CDHR3: variants seen among roughly 807,000 people sequenced by gnomAD.
The protein encoded by CDHR3 is cadherin-related family member 3.
In CDHR3, 79 loss-of-function variants were observed where a neutral mutation model predicts 86.6. The observed-to-expected ratio is 0.91, with a 90% CI of 0.76 to 1.10. CDHR3 has a LOEUF of 1.10. CDHR3 is among the 50% of genes least tolerant of loss of function. The pLI, the probability that CDHR3 is intolerant of heterozygous loss-of-function variation, is 0.00. For missense variants in CDHR3, 1,081 were observed against 1,077.6 expected, an observed-to-expected ratio of 1.00 and a Z score of -0.04; for synonymous variants, 421 against 402.4, an observed-to-expected ratio of 1.05 and a Z score of -0.55.
intron 6 of CDHR3, among the ~76,000 whole-genome samples, chr7:105,999,048 C>G (rs1178517559): frequency 6.6e-6 from 1 of 152,198 alleles, no homozygotes; most frequent in Admixed American, 6.5e-5. Flanking sequence ...CACACCCTTC[C>G]CTGTGAGTGT....
At chr7:105,974,596 GC>G (rs1828509451) in intron 1 of CDHR3, among the ~76,000 whole-genome samples, 1 of 152,212 alleles carries the variant, frequency 6.6e-6, no homozygotes, top group Non-Finnish European at 1.5e-5. Context: ...CAAGAGAAAA[GC>G]AGCAGCTTTA....
At chr7:105,977,920 T>A (rs1829077474) in intron 2 of CDHR3, among the ~76,000 whole-genome samples, 1 of 152,192 alleles carries the variant, frequency 6.6e-6, no homozygotes, top group Non-Finnish European at 1.5e-5. Context: ...AGGAGGAGGA[T>A]GCTAACATTT....
Position 105,974,896 on chromosome 7 carries a change from G to T in CDHR3, c.99G>T (p.Glu33Asp), listed in dbSNP as rs761007571. Residue 33 changes from glutamate (E) to aspartate (D), a missense_variant, in exon 2 of 19, where the codon GAG (glutamate) becomes GAT (aspartate). Coordinates refer to ENST00000317716, the MANE Select transcript of CDHR3 (RefSeq NM_152750.5). ...TACCTGCTACAGGCAATGTGGCAGA[G>T]AATTCTCCACCTGGGACTTCAGTGC... ...ILLPATGNVAENSPPGTSVHK... is the reference protein window; with the variant it reads ...ILLPATGNVADNSPPGTSVHK... The T allele has an allele frequency of 6.2e-7, 1 of 1,613,886 alleles. No individual in the cohort carries two copies. The highest frequency in any genetic ancestry group is 1.7e-5 in the Admixed American group (1 of 60,014).
chr7:105,980,281 T>C (rs1053826209), intron 2 of CDHR3, among the ~76,000 whole-genome samples: 5 of 152,228 alleles, frequency 3.3e-5, no homozygotes, highest in Admixed American at 2.6e-4. Flanking sequence ...ATTTTTTATT[T>C]ATCATGTTTA....
At chr7:106,011,438 G>C (rs1004861046) in intron 8 of CDHR3, among the ~76,000 whole-genome samples, 3 of 151,968 alleles carry the variant, frequency 2.0e-5, no homozygotes, top group Admixed American at 6.6e-5. Flanking sequence ...TAGAAGATGA[G>C]GACAAGAAGA....
chr7:105,967,729 G>C (rs1218953452), intron 1 of CDHR3, among the ~76,000 whole-genome samples: 6 of 152,156 alleles, frequency 3.9e-5, no homozygotes, highest in Admixed American at 3.3e-4. Flanking sequence ...TTTTTCATGT[G>C]TCTGTTGGCT....
chr7:105,968,558 AC>A (rs2115600285), intron 1 of CDHR3, among the ~76,000 whole-genome samples: 1 of 152,062 alleles, frequency 6.6e-6, no homozygotes, highest in East Asian at 1.9e-4. Flanking sequence ...GTGGGGTTTC[AC>A]CATGTCGGCC....
intron 1 of CDHR3, among the ~76,000 whole-genome samples, chr7:105,972,223 G>A (rs980661937): frequency 4.6e-5 from 7 of 152,122 alleles, no homozygotes; most frequent in African/African-American, 1.7e-4. Context: ...GATTGTGCTG[G>A]GATTAAGGGG....
At chr7:105,996,016 G>C (rs1367082894) in intron 5 of CDHR3, among the ~76,000 whole-genome samples, 1 of 152,248 alleles carries the variant, frequency 6.6e-6, no homozygotes, top group East Asian at 1.9e-4. Context: ...ATGCTGGCCT[G>C]GTGGGACAAT....
intron 6 of CDHR3, among the ~76,000 whole-genome samples, chr7:105,997,318 G>A (rs1832402576): frequency 6.6e-6 from 1 of 152,220 alleles, no homozygotes; most frequent in Admixed American, 6.5e-5. Flanking sequence ...ATAGTCTACA[G>A]TCCAGTTGCA....
At chr7:106,011,929 G>T (rs144121401) in intron 8 of CDHR3, among the ~76,000 whole-genome samples, 1 of 152,326 alleles carries the variant, frequency 6.6e-6, no homozygotes, top group East Asian at 1.9e-4. Flanking sequence ...AAAGGTGTTA[G>T]GAGGCCCTTC....
intron 9 of CDHR3, among the ~76,000 whole-genome samples, chr7:106,014,362 C>T (rs889716462): frequency 1.3e-5 from 2 of 152,254 alleles, no homozygotes; most frequent in East Asian, 3.9e-4. Flanking sequence ...TCCTTCTATA[C>T]ATAGATACCT....
intron 2 of CDHR3, among the ~76,000 whole-genome samples, chr7:105,976,179 T>C (rs1314996849): frequency 6.6e-6 from 1 of 152,190 alleles, no homozygotes; most frequent in Non-Finnish European, 1.5e-5. Context: ...CTGCTGCTGC[T>C]CCTTGGTTCC....
Position 106,022,287 on chromosome 7 carries a change from G to A in CDHR3, c.1915G>A (p.Gly639Arg), listed in dbSNP as rs756620854. Residue 639 changes from glycine (G) to arginine (R), a missense_variant, in exon 14 of 19, where the codon GGG (glycine) becomes AGG (arginine). Gly to Arg is a moderately radical substitution (Grantham distance 125, BLOSUM62 -2). Transcript: ENST00000317716. ...TACATCTCGCTTTGACTATGCTGGT[G>A]GGTTTGATAAGATCTGGGACTACAA... is the stretch of plus-strand genomic sequence containing the variant. The part of the protein sequence containing the change: ...LLTSRFDYAG[G>R]FDKIWDYKLL... 8.7e-6 allele frequency: 14 copies of A among 1,614,022 alleles called. No homozygotes were observed. In the Admixed American group the frequency reaches 2.3e-4, roughly 27 times the overall value.
chr7:106,032,715 G>T lies in CDHR3; in HGVS notation c.*18G>T. On this transcript the variant is annotated 3_prime_UTR_variant, in exon 19 of 19. Transcript: ENST00000317716. The stretch of plus-strand genomic sequence containing the variant: ...GAAAGTAAACGGGGTCTAAGGAGGG[G>T]CCTGTCAATCACTGAGATGCTGCCT... 1 of 1,595,596 alleles carries T rather than the reference G, an allele frequency of 6.3e-7. No individual in the cohort carries two copies. The highest frequency in any genetic ancestry group is 8.6e-7 in the Non-Finnish European group (1 of 1,169,504).
Position 106,035,767 on chromosome 7 carries a change from CA to C in CDHR3, c.*3073del, listed in dbSNP as rs1160030329. 4 of 152,226 alleles carry C rather than the reference CA, an allele frequency of 2.6e-5. 1 individual carries two copies. Among genetic ancestry groups the C allele is most frequent in the Middle Eastern group, 6.8e-3 (2 of 294 alleles). The allele number at this position is 152,226 out of a possible 1,614,324, so 9.4% of individuals were successfully genotyped here. ...GAGTTACAAAGGTCACGCTCCTGTG[CA>C]AACATCTGATTGGTTGCAAAAAGCA... On this transcript the variant is annotated 3_prime_UTR_variant, in exon 19 of 19. Coordinates refer to ENST00000317716, the MANE Select transcript of CDHR3 (RefSeq NM_152750.5).
At chr7:106,013,074 T>A (rs745328650) in intron 9 of CDHR3, 43 bp downstream of exon 9, 2 of 1,509,550 alleles carry the variant, frequency 1.3e-6, no homozygotes, top group Non-Finnish European at 1.8e-6. Context: ...CATCGGGAAT[T>A]GGTCCAACAT....
At chr7:105,980,105 A>G (rs1178150805) in intron 2 of CDHR3, among the ~76,000 whole-genome samples, 1 of 152,242 alleles carries the variant, frequency 6.6e-6, no homozygotes, top group Non-Finnish European at 1.5e-5. Flanking sequence ...GGAAAGGCAC[A>G]AAGAAAGTGA....
intron 8 of CDHR3, among the ~76,000 whole-genome samples, chr7:106,009,472 T>G (rs1387540149): frequency 6.6e-6 from 1 of 152,192 alleles, no homozygotes; most frequent in Non-Finnish European, 1.5e-5. Flanking sequence ...AAAGTGACAA[T>G]GGCATGGTTC....
Sources: allele counts gnomAD v4.1 joint callset (sites outside exome capture counted in the v4.1 genomes callset), GRCh38; gene constraint gnomAD v4.1.1; transcripts MANE v1.5; gene names NCBI Gene and HGNC (gene_info 2026-07-23, HGNC 2026-07-21).